NFIC: variants seen among roughly 807,000 people sequenced by gnomAD.
NFIC encodes nuclear factor 1 C-type.
Under a neutral mutation model 54.4 loss-of-function variants are expected in NFIC, and 12 were observed. The ratio of observed to expected loss-of-function variants is 0.22; its 90% CI spans 0.14 to 0.36. NFIC has a LOEUF of 0.36. Ranked by LOEUF, NFIC falls within the 10% of genes least tolerant of loss-of-function variation. The pLI is 1.00. For synonymous variants in NFIC, 322 were observed against 319.2 expected (o/e 1.01, Z -0.09); for missense variants, 575 against 718.2 (o/e 0.80, Z 2.28).
rs550974449 is a variant in NFIC at position 3,417,079 on chromosome 19, G to A, written c.563-8027G>A. Among the ~76,000 whole-genome samples the A allele has an allele frequency of 6.6e-5, 10 of 150,422 alleles. No homozygotes were observed. In the South Asian group the frequency reaches 1.9e-3, roughly 28 times the overall value. On this transcript the variant is annotated intron_variant, in intron 2 of 10. Coordinates refer to ENST00000443272, the MANE Select transcript of NFIC (RefSeq NM_001245002.2). Reference sequence around the variant, plus strand: ...TTTTTGTATTTTTAGTAGAGATGGGGTTTCACCATGTTAGCCAGGATGGTC... The same window carrying A: ...TTTTTGTATTTTTAGTAGAGATGGGATTTCACCATGTTAGCCAGGATGGTC...
intron 2 of NFIC, among the ~76,000 whole-genome samples, chr19:3,411,716 TAA>T (rs761396852): frequency 3.3e-5 from 5 of 152,118 alleles, no homozygotes; most frequent in Non-Finnish European, 5.9e-5. Flanking sequence ...CAGGTTTGGG[TAA>T]AGTCTGCTCA....
chr19:3,417,984 G>A (rs1461261911), intron 2 of NFIC, among the ~76,000 whole-genome samples: 4 of 119,044 alleles, frequency 3.4e-5, no homozygotes, highest in East Asian at 2.5e-4. Flanking sequence ...AATATTCCTC[G>A]CTGATGGCAG....
At chr19:3,410,022 A>G (rs2081726139) in intron 2 of NFIC, among the ~76,000 whole-genome samples, 1 of 149,862 alleles carries the variant, frequency 6.7e-6, no homozygotes, top group Non-Finnish European at 1.5e-5. Context: ...AGCCTGGGCA[A>G]CATAGCGAGA....
At chr19:3,447,496 A>G (rs1402583040) in intron 6 of NFIC, among the ~76,000 whole-genome samples, 1 of 152,172 alleles carries the variant, frequency 6.6e-6, no homozygotes, top group African/African-American at 2.4e-5. Context: ...TAGCAGCAGC[A>G]GCGGCTCCTG....
Position 3,435,106 on chromosome 19 carries a change from C to G in NFIC, c.857C>G (p.Ser286Trp). 6.2e-7 allele frequency: 1 copy of G among 1,604,264 alleles called. No individual in the cohort carries two copies. Among genetic ancestry groups the G allele is most frequent in the Non-Finnish European group, 8.5e-7 (1 of 1,175,104 alleles). The change falls in exon 6 of 11, where the codon TCG becomes TGG. Residue 286 changes from serine to tryptophan, a missense_variant. This residue lies in a region of NFIC where 447 missense variants were observed against 526.9 expected (regional missense o/e 0.85). Transcript: ENST00000443272. Reference sequence around the variant, plus strand: ...AGGAGCAAGCGGCACAAATCGGGCTCGATGGAGGAAGACGTGGACACGAGC... The same window carrying G: ...AGGAGCAAGCGGCACAAATCGGGCTGGATGGAGGAAGACGTGGACACGAGC... ...SSGSKRHKSG[S>W]MEEDVDTSPG...
chr19:3,451,732 A>T (rs957323785), intron 7 of NFIC, among the ~76,000 whole-genome samples: 8 of 151,926 alleles, frequency 5.3e-5, no homozygotes, highest in Non-Finnish European at 1.0e-4. Flanking sequence ...GCTGGGTTCA[A>T]ATTCCCGGTC....
At chr19:3,419,556 G>C (rs947838017) in intron 2 of NFIC, among the ~76,000 whole-genome samples, 2 of 151,778 alleles carry the variant, frequency 1.3e-5, no homozygotes, top group Non-Finnish European at 2.9e-5. Context: ...ATCACTTGAG[G>C]TCAGAAGTTT....
intron 6 of NFIC, among the ~76,000 whole-genome samples, chr19:3,445,986 A>G (rs2082368527): frequency 6.6e-6 from 1 of 152,180 alleles, no homozygotes; most frequent in Admixed American, 6.5e-5. Context: ...GGTGGAGGCC[A>G]GGGGTGCTGC....
At chr19:3,437,211 C>A (rs1190292772) in intron 6 of NFIC, among the ~76,000 whole-genome samples, 1 of 151,462 alleles carries the variant, frequency 6.6e-6, no homozygotes, top group Non-Finnish European at 1.5e-5. Flanking sequence ...ACTAAAAATA[C>A]AAAAAAAATA....
At chr19:3,426,263 G>A (rs2082026279) in intron 3 of NFIC, among the ~76,000 whole-genome samples, 1 of 151,622 alleles carries the variant, frequency 6.6e-6, no homozygotes, top group African/African-American at 2.4e-5. Context: ...TATTTTTGTA[G>A]AGACAGAGTC....
At chr19:3,419,665 G>A (rs1467036634) in intron 2 of NFIC, among the ~76,000 whole-genome samples, 1 of 151,822 alleles carries the variant, frequency 6.6e-6, no homozygotes, top group East Asian at 1.9e-4. Context: ...GATTACAGGT[G>A]GCACACACCT....
chr19:3,394,520 C>CACCG (rs1491381445), intron 2 of NFIC, among the ~76,000 whole-genome samples: 1 of 46,708 alleles, frequency 2.1e-5, no homozygotes, highest in African/African-American at 1.4e-4. Context: ...CTTTTCCCCA[C>CACCG]CCACCCCCCA....
chr19:3,389,497 G>A (rs184476365), intron 2 of NFIC, among the ~76,000 whole-genome samples: 18 of 152,158 alleles, frequency 1.2e-4, no homozygotes, highest in Non-Finnish European at 2.2e-4. Context: ...CCATGAGCTC[G>A]GGTGACGGTG....
At chr19:3,428,954 G>A (rs1232100523) in intron 3 of NFIC, among the ~76,000 whole-genome samples, 4 of 151,848 alleles carry the variant, frequency 2.6e-5, no homozygotes, top group African/African-American at 7.3e-5. Flanking sequence ...CTCCCAGCGC[G>A]GGGCAGGGTT....
chr19:3,417,046 G>C lies in NFIC; in HGVS notation c.563-8060G>C, dbSNP rs181924351. 4.9e-3 allele frequency among the ~76,000 whole-genome samples: 568 copies of C among 116,946 alleles called. 6 individuals are homozygous for C. The highest frequency in any genetic ancestry group is 0.014 in the African/African-American group (547 of 40,122). The allele number at this position is 116,946 out of a possible 152,430, so 76.7% of individuals were successfully genotyped here. On this transcript the variant is annotated intron_variant, in intron 2 of 10. Transcript: ENST00000443272. ...CTACAGGCGCCCGCCACCAGGCCCA[G>C]CTAATTTTTTTTGTATTTTTAGTAG...
chr19:3,367,874 G>A (rs2080925722), intron 1 of NFIC, among the ~76,000 whole-genome samples: 1 of 152,140 alleles, frequency 6.6e-6, no homozygotes, highest in Non-Finnish European at 1.5e-5. Context: ...TTCCGCTCCA[G>A]GGCATGGTGC....
chr19:3,448,235 C>G (rs968821247), intron 6 of NFIC, among the ~76,000 whole-genome samples: 2 of 152,124 alleles, frequency 1.3e-5, no homozygotes, highest in Non-Finnish European at 2.9e-5. Context: ...ACCACACCCA[C>G]CTAATTTTTG....
chr19:3,378,758 G>C (rs1007794728), intron 1 of NFIC, among the ~76,000 whole-genome samples: 1 of 152,172 alleles, frequency 6.6e-6, no homozygotes, highest in African/African-American at 2.4e-5. Context: ...CAGGGAACGG[G>C]GTGGCCCCTC....
chr19:3,443,397 T>G (rs1444533596), intron 6 of NFIC, among the ~76,000 whole-genome samples: 3 of 150,736 alleles, frequency 2.0e-5, no homozygotes, highest in African/African-American at 7.3e-5. Flanking sequence ...CACTCCAGTC[T>G]GGGCAACAGC....
Sources: allele counts gnomAD v4.1 joint callset (sites outside exome capture counted in the v4.1 genomes callset), GRCh38; gene constraint gnomAD v4.1.1; regional missense constraint gnomAD v4.1.1; transcripts MANE v1.5; gene names NCBI Gene and HGNC (gene_info 2026-07-23, HGNC 2026-07-21).